The following ANO10 variants were observed in gnomAD, a reference collection of about 807,000 sequenced individuals.
The protein encoded by ANO10 is anoctamin-10.
ANO10 carries 77 observed loss-of-function variants against 74.7 expected under a neutral mutation model. That is an observed-to-expected ratio of 1.03 (90% CI 0.86 to 1.25). ANO10 has a LOEUF of 1.25. ANO10 is among the 50% of genes most tolerant of loss of function. ANO10 has a pLI of 0.00. For synonymous variants in ANO10, 279 were observed against 284.9 expected, an observed-to-expected ratio of 0.98 and a Z score of 0.21; for missense variants, 721 against 778.1, an observed-to-expected ratio of 0.93 and a Z score of 0.87.
intron 11 of ANO10, among the ~76,000 whole-genome samples, chr3:43,465,089 T>C (rs185862313): frequency 6.6e-6 from 1 of 152,220 alleles, no homozygotes; most frequent in South Asian, 2.1e-4. Flanking sequence ...GATGTGGTCA[T>C]GTACAGAGTA....
At chr3:43,370,847 C>T (rs562107108) in intron 12 of ANO10, among the ~76,000 whole-genome samples, 1 of 152,246 alleles carries the variant, frequency 6.6e-6, no homozygotes, top group South Asian at 2.1e-4. Flanking sequence ...ACAGCTTGAC[C>T]TGAGGAAGAC....
Position 43,676,981 on chromosome 3 carries a change from T to C in ANO10, c.-12+14536A>G, listed in dbSNP as rs188051918. 7.5e-4 allele frequency among the ~76,000 whole-genome samples: 114 copies of C among 152,274 alleles called. 2 individuals are homozygous for C. The highest frequency in any genetic ancestry group is 2.7e-3 in the African/African-American group (112 of 41,566). On this transcript the variant is annotated intron_variant, in intron 1 of 3. Transcript: ENST00000413397. ...ACAAACTACAGTACAACAGCTAATA[T>C]TCAATTTCTGTCATTGAAACTATGA...
chr3:43,598,818 G>A lies in ANO10; in HGVS notation c.338-152C>T, dbSNP rs543503173. On this transcript the variant is annotated intron_variant, in intron 3 of 12. Transcript: ENST00000292246. ...GCTGGTAAATTAAATAGAACATAAAGCTCCTTAGATATTTTATAAGAATAA... is the reference window on the plus strand; with the variant it reads ...GCTGGTAAATTAAATAGAACATAAAACTCCTTAGATATTTTATAAGAATAA... 363 of 652,294 alleles carry A rather than the reference G, an allele frequency of 5.6e-4. 1 individual carries two copies. In the African/African-American group the frequency reaches 6.2e-3, roughly 11 times the overall value. The allele number at this position is 652,294 out of a possible 1,614,324, so 40.4% of individuals were successfully genotyped here.
intron 12 of ANO10, among the ~76,000 whole-genome samples, chr3:43,373,364 A>T (rs968595202): frequency 6.6e-6 from 1 of 151,738 alleles, no homozygotes; most frequent in African/African-American, 2.4e-5. Context: ...AGAAACAAAG[A>T]CTCCGCCAAG....
At chr3:43,565,884 C>T (rs1326278329) in intron 7 of ANO10, among the ~76,000 whole-genome samples, 157 bp from the exon 8 acceptor site, 1 of 152,160 alleles carries the variant, frequency 6.6e-6, no homozygotes, top group African/African-American at 2.4e-5. Context: ...GCCTGAGCGA[C>T]GCAGAAGACG....
intron 11 of ANO10, among the ~76,000 whole-genome samples, chr3:43,530,447 T>C (rs1266863363): frequency 6.7e-6 from 1 of 149,126 alleles, no homozygotes; most frequent in Non-Finnish European, 1.5e-5. Flanking sequence ...ATATATTTTA[T>C]ATATGGTATA....
At chr3:43,526,382 T>C (rs1224642289) in intron 11 of ANO10, among the ~76,000 whole-genome samples, 2 of 152,210 alleles carry the variant, frequency 1.3e-5, no homozygotes, top group East Asian at 3.8e-4. Flanking sequence ...TGGAGTCTTG[T>C]GGCTCTCTGC....
chr3:43,628,962 C>T lies in ANO10; in HGVS notation c.-11-23099G>A, dbSNP rs533223402. On this transcript the variant is annotated intron_variant, in intron 1 of 3. Coordinates refer to the ANO10 transcript ENST00000413397. ...GTGATCTCGCCCTGCCTCCATTTTGCCTTGTCATATTCTATTACCTTGTGA... is the reference window on the plus strand; with the variant it reads ...GTGATCTCGCCCTGCCTCCATTTTGTCTTGTCATATTCTATTACCTTGTGA... Among the ~76,000 whole-genome samples the T allele has an allele frequency of 3.3e-5, 5 of 152,320 alleles. No homozygotes were observed. The East Asian group carries it at 9.6e-4, about 29-fold the overall frequency.
chr3:43,655,219 C>T (rs1428272489), intron 1 of ANO10, among the ~76,000 whole-genome samples: 1 of 152,144 alleles, frequency 6.6e-6, no homozygotes, highest in Non-Finnish European at 1.5e-5. Flanking sequence ...TTCTTGGTCT[C>T]ACTGACTTCA....
At chr3:43,462,664 AG>A (rs2075431531) in intron 11 of ANO10, among the ~76,000 whole-genome samples, 1 of 152,236 alleles carries the variant, frequency 6.6e-6, no homozygotes, top group South Asian at 2.1e-4. Context: ...ATAAGTAATG[AG>A]GAGCTGAATG....
chr3:43,668,283 T>A (rs2084016081), intron 1 of ANO10, among the ~76,000 whole-genome samples: 1 of 151,710 alleles, frequency 6.6e-6, no homozygotes, highest in African/African-American at 2.4e-5. Flanking sequence ...ATGGGATTGT[T>A]TTTTTTTTCT....
chr3:43,656,525 G>A (rs941545995), intron 1 of ANO10, among the ~76,000 whole-genome samples: 1 of 152,246 alleles, frequency 6.6e-6, no homozygotes, highest in African/African-American at 2.4e-5. Flanking sequence ...CCATGGAGGG[G>A]GTGGGAGGCT....
At chr3:43,446,954 C>T (rs764386347) in intron 11 of ANO10, among the ~76,000 whole-genome samples, 2 of 152,060 alleles carry the variant, frequency 1.3e-5, no homozygotes, top group Non-Finnish European at 2.9e-5. Context: ...GCCTCCTGCC[C>T]ACATGTACAA....
At chr3:43,387,181 C>A (rs981171673) in intron 12 of ANO10, among the ~76,000 whole-genome samples, 1 of 152,190 alleles carries the variant, frequency 6.6e-6, no homozygotes, top group African/African-American at 2.4e-5. Flanking sequence ...CAGCACGTTA[C>A]TGTACTGAAC....
chr3:43,478,700 T>G (rs2076162420), intron 11 of ANO10, among the ~76,000 whole-genome samples: 1 of 152,238 alleles, frequency 6.6e-6, no homozygotes, highest in South Asian at 2.1e-4. Flanking sequence ...GTATTCATAT[T>G]TGACACAGTA....
intron 12 of ANO10, chr3:43,372,774 C>T (rs772675535): frequency 1.8e-5 from 25 of 1,400,058 alleles, no homozygotes; most frequent in Non-Finnish European, 2.4e-5. Flanking sequence ...GACCCCAGGA[C>T]CTATGACAGT....
chr3:43,612,148 A>G (rs1301314324), intron 1 of ANO10, among the ~76,000 whole-genome samples: 26 of 80,362 alleles, frequency 3.2e-4, no homozygotes, highest in Non-Finnish European at 5.1e-4. Context: ...TTTTATATAT[A>G]TATATATATA....
rs191476604 is a variant in ANO10, at chr3:43,436,987, G to C, written c.1798-4260C>G. Among the ~76,000 whole-genome samples the C allele has an allele frequency of 2.7e-3, 417 of 152,240 alleles. 1 individual carries two copies. Among genetic ancestry groups the C allele is most frequent in the South Asian group, 8.1e-3 (39 of 4,822 alleles). The stretch of plus-strand genomic sequence containing the variant: ...GATGGCAGCCACGACTGAACAAAAG[G>C]AGTGCCCTGAAAAAGGTATCCTCTG... On this transcript the variant is annotated intron_variant, in intron 11 of 12. Transcript: ENST00000292246.
intron 1 of ANO10, among the ~76,000 whole-genome samples, chr3:43,683,502 G>A (rs1287529223): frequency 6.6e-6 from 1 of 152,096 alleles, no homozygotes; most frequent in East Asian, 1.9e-4. Flanking sequence ...TGGCCATACT[G>A]CCCGAGGTAA....
Sources: allele counts gnomAD v4.1 joint callset (sites outside exome capture counted in the v4.1 genomes callset), GRCh38; gene constraint gnomAD v4.1.1; transcripts MANE v1.5; gene names NCBI Gene and HGNC (gene_info 2026-07-23, HGNC 2026-07-21).